Variants in PCDHGA11 observed in about 807,000 individuals in gnomAD.
PCDHGA11 encodes protocadherin gamma-A11.
Under a neutral mutation model 60.4 loss-of-function variants are expected in PCDHGA11, and 39 were observed. The ratio of observed to expected loss-of-function variants is 0.65; its 90% CI spans 0.50 to 0.84. PCDHGA11 has a LOEUF of 0.84. PCDHGA11 is among the 40% of genes least tolerant of loss of function. PCDHGA11 has a pLI of 0.00. For synonymous variants in PCDHGA11, 533 were observed against 510.3 expected, an observed-to-expected ratio of 1.04 and a Z score of -0.60; for missense variants, 1,165 against 1,197.7, an observed-to-expected ratio of 0.97 and a Z score of 0.40.
chr5:141,474,105 C>A (rs1292743515), intron 1 of PCDHGA11, among the ~76,000 whole-genome samples: 1 of 152,036 alleles, frequency 6.6e-6, no homozygotes, highest in African/African-American at 2.4e-5. Flanking sequence ...ACAACAAAAA[C>A]AACAACAACG....
chr5:141,510,529 A>G (rs2099881539), intron 3 of PCDHGA11, among the ~76,000 whole-genome samples: 2 of 152,242 alleles, frequency 1.3e-5, no homozygotes, highest in Admixed American at 6.5e-5. Flanking sequence ...CCCTGAGAGA[A>G]ATACCAGCGA....
chr5:141,509,810 G>T (rs1272295976), intron 3 of PCDHGA11, among the ~76,000 whole-genome samples: 1 of 152,154 alleles, frequency 6.6e-6, no homozygotes, highest in East Asian at 1.9e-4. Flanking sequence ...ATAGAGCCGA[G>T]CTCTTCTCCA....
intron 1 of PCDHGA11, among the ~76,000 whole-genome samples, chr5:141,460,983 G>GTGTGTGTA (rs1554142949): frequency 2.2e-5 from 3 of 137,844 alleles, no homozygotes; most frequent in African/African-American, 7.7e-5. Flanking sequence ...GTGTGTGTGT[G>GTGTGTGTA]TATATATATA....
chr5:141,454,832 G>A (rs1311246854), intron 1 of PCDHGA11, among the ~76,000 whole-genome samples: 2 of 75,830 alleles, frequency 2.6e-5, no homozygotes, highest in African/African-American at 1.3e-4. Context: ...TTTTGAGACA[G>A]AGTCGCGCTC....
rs2099883762 is a variant in PCDHGA11, at chr5:141,511,396, C to T, written c.*223C>T. 9.8e-7 allele frequency: 1 copy of T among 1,016,834 alleles called. No homozygotes were observed. Among genetic ancestry groups the T allele is most frequent in the South Asian group, 1.7e-5 (1 of 58,996 alleles). The allele number at this position is 1,016,834 out of a possible 1,614,324, so 63.0% of individuals were successfully genotyped here. ...AAGCAGTTCCGCTGGGAACCCCCAT[C>T]CAATCAACTGCTGTACCCATGGGGG... On this transcript the variant is annotated 3_prime_UTR_variant, in exon 4 of 4. Coordinates refer to ENST00000398587, the MANE Select transcript of PCDHGA11 (RefSeq NM_018914.3).
rs373421472 is a variant in PCDHGA11, at chr5:141,472,201, A to G, written c.2434-22606A>G. ...GTATTGGAATTTGAATCTTTTTGAC[A>G]CTAAGACCTTACTCTCGATCATATA... is the stretch of plus-strand genomic sequence containing the variant. On this transcript the variant is annotated intron_variant, in intron 1 of 3. Coordinates refer to ENST00000398587, the MANE Select transcript of PCDHGA11 (RefSeq NM_018914.3). Among the ~76,000 whole-genome samples the G allele has an allele frequency of 5.6e-4, 86 of 152,320 alleles. 2 individuals are homozygous for G. The South Asian group carries it at 0.017, about 30-fold the overall frequency.
chr5:141,449,837 TAATTA>T (rs1054425190), intron 1 of PCDHGA11, among the ~76,000 whole-genome samples: 11 of 151,856 alleles, frequency 7.2e-5, no homozygotes, highest in Middle Eastern at 3.4e-3. Context: ...TTCTTTTATA[TAATTA>T]AATTTTAATA....
intron 1 of PCDHGA11, among the ~76,000 whole-genome samples, chr5:141,471,855 G>A (rs955016680): frequency 3.3e-5 from 5 of 152,108 alleles, no homozygotes; most frequent in Non-Finnish European, 7.4e-5. Context: ...TTCAGAAAAA[G>A]CAAAACTGTG....
chr5:141,422,292 T>C lies in PCDHGA11; in HGVS notation c.1065T>C (p.Asn355=). 6.4e-7 allele frequency: 1 copy of C among 1,552,434 alleles called. No homozygotes were observed. The change falls in exon 1 of 4, where the codon AAT becomes AAC. Residue 355 remains asparagine, a synonymous_variant. Coordinates refer to ENST00000398587, the MANE Select transcript of PCDHGA11 (RefSeq NM_018914.3). ...AAATAACTATCACCTCTTCTATTAA[T>C]TCAATTCTGGAAAACTCTCCTCCAG... ...APEITITSSI[N]SILENSPPGT...
In PCDHGA11 at chr5:141,512,843, T is replaced by G. The variant is rs2099884463; in HGVS notation, c.*1670T>G. ...CCCTCCCCCGTACTGACTTCTCCTATAAGCGCTTCTCTTCGCATAGTCACG... is the reference window on the plus strand; with the variant it reads ...CCCTCCCCCGTACTGACTTCTCCTAGAAGCGCTTCTCTTCGCATAGTCACG... On this transcript the variant is annotated 3_prime_UTR_variant, in exon 4 of 4. Coordinates refer to ENST00000398587, the MANE Select transcript of PCDHGA11 (RefSeq NM_018914.3). 6.6e-6 allele frequency: 1 copy of G among 152,290 alleles called. No individual in the cohort carries two copies. The highest frequency in any genetic ancestry group is 1.5e-5 in the Non-Finnish European group (1 of 68,088). 9.4% of individuals were successfully genotyped at this position (152,290 alleles called of 1,614,324 possible).
Position 141,486,098 on chromosome 5 carries a change from G to A in PCDHGA11, c.2434-8709G>A, listed in dbSNP as rs1211678224. ...AAAGCTTACTCTTTTGGGGCCCCTA[G>A]ACTTTGAGAGTGAGAATTACTATGA... On this transcript the variant is annotated intron_variant, in intron 1 of 3. Transcript: ENST00000398587. This position sits in a 1 kb window ranked among gnomAD's most constrained non-coding sequence, Gnocchi z 5.0. 5.0e-6 allele frequency: 8 copies of A among 1,614,032 alleles called. No homozygotes were observed. Among genetic ancestry groups the A allele is most frequent in the Admixed American group, 3.3e-5 (2 of 59,994 alleles).
chr5:141,431,012 G>A lies in PCDHGA11; in HGVS notation c.2433+7352G>A. On this transcript the variant is annotated intron_variant, in intron 1 of 3. Coordinates refer to ENST00000398587, the MANE Select transcript of PCDHGA11 (RefSeq NM_018914.3). This position sits in a 1 kb window ranked among gnomAD's most constrained non-coding sequence, Gnocchi z 4.8. The stretch of plus-strand genomic sequence containing the variant: ...CCTGAATCCGCGCAGCGGCAGCTTG[G>A]TCACGGCGGGCAGGATAGACCGGGA... 1 of 1,613,314 alleles carries A rather than the reference G, an allele frequency of 6.2e-7. No individual in the cohort carries two copies. Among genetic ancestry groups the A allele is most frequent in the South Asian group, 1.1e-5 (1 of 91,076 alleles).
chr5:141,458,701 C>A (rs1057501287), intron 1 of PCDHGA11, among the ~76,000 whole-genome samples: 3 of 152,088 alleles, frequency 2.0e-5, no homozygotes, highest in Non-Finnish European at 2.9e-5. Context: ...TCCCGAGTAG[C>A]TGGGATTACA....
chr5:141,428,169 G>A (rs758370904), intron 1 of PCDHGA11: 1 of 1,540,076 alleles, frequency 6.5e-7, no homozygotes, highest in Non-Finnish European at 8.9e-7. Flanking sequence ...GTTGCTGTGC[G>A]TGACGGAGGA....
At chr5:141,462,786 T>G (rs1394476968) in intron 1 of PCDHGA11, among the ~76,000 whole-genome samples, 1 of 152,216 alleles carries the variant, frequency 6.6e-6, no homozygotes, top group Admixed American at 6.5e-5. Flanking sequence ...AATTTGTTGC[T>G]TATTTGCATG....
chr5:141,427,712 C>T, intron 1 of PCDHGA11: 2 of 1,051,468 alleles, frequency 1.9e-6, no homozygotes, highest in African/African-American at 1.6e-5. Context: ...GCGCCTCTGA[C>T]CTGGACCTAG....
At position 141,421,130 on chromosome 5, in the gene PCDHGA11, A is replaced by G; in HGVS notation, c.-98A>G. 1.2e-6 allele frequency: 1 copy of G among 827,800 alleles called. No individual in the cohort carries two copies. Among genetic ancestry groups the G allele is most frequent in the South Asian group, 1.8e-5 (1 of 54,498 alleles). 51.3% of individuals were successfully genotyped at this position (827,800 alleles called of 1,614,324 possible). ...GAAGTATTTTCCTTCGCTTTCTGAT[A>G]TATTTTGGATGTAGTCGGCCTAGGA... On this transcript the variant is annotated 5_prime_UTR_variant, in exon 1 of 4. In the 5' UTR this introduces an upstream ATG that the reference lacks. Transcript: ENST00000398587.
chr5:141,458,823 C>T (rs1185812086), intron 1 of PCDHGA11, among the ~76,000 whole-genome samples: 1 of 152,126 alleles, frequency 6.6e-6, no homozygotes, highest in African/African-American at 2.4e-5. Flanking sequence ...ACCTCTGCCT[C>T]CCAGGCTCAA....
Position 141,490,008 on chromosome 5 carries a change from C to T in PCDHGA11, c.2434-4799C>T. 6.2e-7 allele frequency: 1 copy of T among 1,614,230 alleles called. No homozygotes were observed. ...GTGTGGGAATCCCAGAGAATGCACC[C>T]ATTGGTACTCTGCTGCTCCGCCTCA... On this transcript the variant is annotated intron_variant, in intron 1 of 3. Transcript: ENST00000398587. This position sits in a 1 kb window ranked among gnomAD's most constrained non-coding sequence, Gnocchi z 5.4.
Sources: allele counts gnomAD v4.1 joint callset (sites outside exome capture counted in the v4.1 genomes callset), GRCh38; gene constraint gnomAD v4.1.1; non-coding constraint Gnocchi (gnomAD v3.1); transcripts MANE v1.5; gene names NCBI Gene and HGNC (gene_info 2026-07-23, HGNC 2026-07-21).